Variants in MED26 observed in about 807,000 individuals in gnomAD.
The protein encoded by MED26 is mediator complex subunit 26, also known as mediator of RNA polymerase II transcription subunit 26.
In MED26, 7 loss-of-function variants were observed where a neutral mutation model predicts 43.7. The ratio of observed to expected loss-of-function variants is 0.16; its 90% CI spans 0.09 to 0.30. The LOEUF is 0.30. MED26 is among the 10% of genes least tolerant of loss of function. The probability of loss-of-function intolerance (pLI) is 1.00; values close to 1 mark genes in which losing one functional copy is unlikely to be tolerated. For synonymous variants in MED26, 375 were observed against 371.1 expected, an observed-to-expected ratio of 1.01 and a Z score of -0.12; for missense variants, 784 against 840.6, an observed-to-expected ratio of 0.93 and a Z score of 0.83.
chr19:16,616,210 A>G (rs1021224140), intron 1 of MED26, among the ~76,000 whole-genome samples: 3 of 152,182 alleles, frequency 2.0e-5, no homozygotes, highest in African/African-American at 7.2e-5. Flanking sequence ...GCACAGGGCC[A>G]TGTTCCATTC....
chr19:16,625,154 C>A (rs1430777642), intron 1 of MED26, among the ~76,000 whole-genome samples: 2 of 152,216 alleles, frequency 1.3e-5, no homozygotes, highest in African/African-American at 4.8e-5. Context: ...AAAGCTCCAA[C>A]TGCTCTGAAA....
rs1371593823 is a variant in MED26, at chr19:16,628,168, C to T, written c.-225G>A. ...GGAGGAGGAGCCGCCGGAGCCGCCG[C>T]CGCTCGCTGCCGCCGCCTCGAGAAC... On this transcript the variant is annotated 5_prime_UTR_variant, in exon 1 of 3. Coordinates refer to ENST00000263390, the MANE Select transcript of MED26 (RefSeq NM_004831.5). 1.7e-5 allele frequency: 6 copies of T among 357,492 alleles called. No homozygotes were observed. Among genetic ancestry groups the T allele is most frequent in the Admixed American group, 4.8e-5 (1 of 20,980 alleles). 22.1% of individuals were successfully genotyped at this position (357,492 alleles called of 1,614,324 possible). A position where few individuals can be genotyped will look rare whatever the true frequency, so the allele number is the denominator to read the frequency against.
At chr19:16,606,250 C>T (rs1772691258) in intron 1 of MED26, among the ~76,000 whole-genome samples, 1 of 152,244 alleles carries the variant, frequency 6.6e-6, no homozygotes, top group South Asian at 2.1e-4. Flanking sequence ...CAGCACAAAG[C>T]AGCCTGAAGA....
At chr19:16,615,754 A>G (rs957269518) in intron 1 of MED26, among the ~76,000 whole-genome samples, 43 of 107,780 alleles carry the variant, frequency 4.0e-4, no homozygotes, top group Non-Finnish European at 5.1e-4. Flanking sequence ...TCTGGGGGAG[A>G]AAAAAAAAAA....
intron 2 of MED26, 137 bp downstream of exon 2, chr19:16,578,198 G>A (rs2086022935): frequency 4.8e-6 from 4 of 829,546 alleles, no homozygotes; most frequent in East Asian, 2.5e-5. Context: ...CGAGGCACGA[G>A]CTGTGAGGGC....
At position 16,576,047 on chromosome 19, in the gene MED26, G is replaced by A. The variant is rs1213026681; in HGVS notation, c.1783C>T (p.Pro595Ser). 3 of 1,613,224 alleles carry A rather than the reference G, an allele frequency of 1.9e-6. No individual in the cohort carries two copies. Among genetic ancestry groups the A allele is most frequent in the Non-Finnish European group, 1.7e-6 (2 of 1,179,854 alleles). Residue 595 changes from proline (P) to serine (S), a missense_variant, in exon 3 of 3, where the codon CCT becomes TCT. Coordinates refer to ENST00000263390, the MANE Select transcript of MED26 (RefSeq NM_004831.5). This position sits in a 1 kb window ranked among gnomAD's most constrained non-coding sequence, Gnocchi z 6.8. ...GCCGGTCAGTCCAAGCAGACATAAG[G>A]CAGAATGTTCAAGCGCCCGTCGTCG... ...HGDDGRLNIL[P>S]YVCLD is the part of the protein sequence containing the mutation.
At position 16,625,196 on chromosome 19, in the gene MED26, G is replaced by A. The variant is rs192365253; in HGVS notation, c.72+2676C>T. 9.2e-5 allele frequency among the ~76,000 whole-genome samples: 14 copies of A among 152,340 alleles called. No homozygotes were observed. The East Asian group carries it at 2.5e-3, about 27-fold the overall frequency. On this transcript the variant is annotated intron_variant, in intron 1 of 2. Coordinates refer to ENST00000263390, the MANE Select transcript of MED26 (RefSeq NM_004831.5). ...TAGTAGCCTTTTCAAAAGGAGAGTA[G>A]AGGATTTACTTTATTACTGAATTGG...
chr19:16,622,266 C>A (rs529531449), intron 1 of MED26, among the ~76,000 whole-genome samples: 2 of 152,202 alleles, frequency 1.3e-5, no homozygotes, highest in Non-Finnish European at 2.9e-5. Context: ...CCACATGCCA[C>A]GGCACCCCAC....
At chr19:16,602,398 T>G (rs1053167477) in intron 1 of MED26, among the ~76,000 whole-genome samples, 4 of 152,004 alleles carry the variant, frequency 2.6e-5, no homozygotes, top group Admixed American at 6.6e-5. Context: ...CCCTCTCCCC[T>G]CAACTGTCAT....
chr19:16,619,897 G>T (rs1047902681), intron 1 of MED26, among the ~76,000 whole-genome samples: 2 of 152,210 alleles, frequency 1.3e-5, no homozygotes, highest in Non-Finnish European at 1.5e-5. Context: ...AATCTGGGGG[G>T]ATGTGTGTCC....
intron 1 of MED26, chr19:16,589,147 C>G (rs894600987): frequency 2.0e-5 from 3 of 152,266 alleles, no homozygotes; most frequent in African/African-American, 7.2e-5. Flanking sequence ...CTGTGTGGAG[C>G]TGGAGGGACA....
chr19:16,596,227 C>G (rs899650603), intron 1 of MED26, among the ~76,000 whole-genome samples: 6 of 152,166 alleles, frequency 3.9e-5, no homozygotes, highest in African/African-American at 1.4e-4. Flanking sequence ...GACCCCATCA[C>G]AAAAGGGAGG....
At chr19:16,584,375 C>T (rs2086061417) in intron 1 of MED26, among the ~76,000 whole-genome samples, 1 of 152,154 alleles carries the variant, frequency 6.6e-6, no homozygotes, top group Admixed American at 6.5e-5. Flanking sequence ...ACCTTTGTCC[C>T]CAGAGAGCCC....
chr19:16,575,950 C>T lies in MED26; in HGVS notation c.*77G>A, dbSNP rs2085993512. On this transcript the variant is annotated 3_prime_UTR_variant, in exon 3 of 3. Transcript: ENST00000263390. ...TCCCAGCGCAGGAGGCAGCTGGGCC[C>T]CGGCCACCTGCCCACCTGCCTGCCC... 5 of 1,427,530 alleles carry T rather than the reference C, an allele frequency of 3.5e-6. No homozygotes were observed. The highest frequency in any genetic ancestry group is 4.8e-6 in the Non-Finnish European group (5 of 1,046,122). 88.4% of individuals were successfully genotyped at this position (1,427,530 alleles called of 1,614,324 possible).
intron 1 of MED26, among the ~76,000 whole-genome samples, chr19:16,626,909 G>A (rs1243900178): frequency 6.6e-6 from 1 of 150,478 alleles, no homozygotes; most frequent in Non-Finnish European, 1.5e-5. Flanking sequence ...GAATAGATCA[G>A]TCTTCCCCCC....
rs892210879 is a variant in MED26, at chr19:16,575,417, G to C, written c.*610C>G. 6.5e-6 allele frequency: 1 copy of C among 153,314 alleles called. No homozygotes were observed. Among genetic ancestry groups the C allele is most frequent in the African/African-American group, 2.4e-5 (1 of 41,452 alleles). The allele number at this position is 153,314 out of a possible 1,614,324, so 9.5% of individuals were successfully genotyped here. A position where few individuals can be genotyped will look rare whatever the true frequency, so the allele number is the denominator to read the frequency against. On this transcript the variant is annotated 3_prime_UTR_variant, in exon 3 of 3. Coordinates refer to ENST00000263390, the MANE Select transcript of MED26 (RefSeq NM_004831.5). ...AAACAGGTGGCTGCCCATGGAGTGT[G>C]GGTCACACTGGCTGGCCAGCTGGCC...
chr19:16,576,606 C>A lies in MED26; in HGVS notation c.1224G>T (p.Gly408=), dbSNP rs765185370. ...GCTTGACGCCCGCCTCAGCCACCTG[C>A]CCGTCCAAGTTAACCGTATAGTCTC... ...RPRDYTVNLD[G]QVAEAGVKPV... is the part of the protein sequence containing the mutation. The change falls in exon 3 of 3, where the codon GGG becomes GGT. Residue 408 remains glycine, a synonymous_variant. Transcript: ENST00000263390. This position sits in a 1 kb window ranked among gnomAD's most constrained non-coding sequence, Gnocchi z 6.8. 6.2e-7 allele frequency: 1 copy of A among 1,614,246 alleles called. No homozygotes were observed. Among genetic ancestry groups the A allele is most frequent in the Non-Finnish European group, 8.5e-7 (1 of 1,180,036 alleles).
chr19:16,579,267 C>A (rs1379673080), intron 1 of MED26, among the ~76,000 whole-genome samples: 1 of 152,152 alleles, frequency 6.6e-6, no homozygotes, highest in African/African-American at 2.4e-5. Context: ...ACCAGGAGCC[C>A]GGCGTAGACT....
At position 16,576,985 on chromosome 19, in the gene MED26, C is replaced by A; in HGVS notation, c.845G>T (p.Gly282Val). The A allele has an allele frequency of 6.2e-7, 1 of 1,604,564 alleles. No homozygotes were observed. The highest frequency in any genetic ancestry group is 8.5e-7 in the Non-Finnish European group (1 of 1,173,940). Residue 282 changes from glycine (G) to valine (V), a missense_variant, in exon 3 of 3, where the codon GGC becomes GTC. Gly to Val is a moderately radical substitution (Grantham distance 109). This residue lies in a region of MED26 where 719 missense variants were observed against 730.9 expected (regional missense o/e 0.98). Transcript: ENST00000263390. This position sits in a 1 kb window ranked among gnomAD's most constrained non-coding sequence, Gnocchi z 6.8. ...CAAGCTCTGCTGCCGGGCAAAGGAG[C>A]CCTCATGCCGTGAGTTCCGAGGACT... ...SFSPRNSRHE[G>V]SFARQQSLYA...
Sources: allele counts gnomAD v4.1 joint callset (sites outside exome capture counted in the v4.1 genomes callset), GRCh38; gene constraint gnomAD v4.1.1; regional missense constraint gnomAD v4.1.1; non-coding constraint Gnocchi (gnomAD v3.1); transcripts MANE v1.5; gene names NCBI Gene and HGNC (gene_info 2026-07-23, HGNC 2026-07-21).